The following STAG1 variants were observed in gnomAD, a reference collection of about 807,000 sequenced individuals.
STAG1 encodes the protein STAG1 cohesin complex component.
A neutral mutation model predicts 170.9 loss-of-function variants in STAG1; 26 were observed. The observed-to-expected ratio is 0.15, with a 90% confidence interval of 0.11 to 0.21. STAG1 has a LOEUF of 0.21. Among genes scored for constraint, STAG1 ranks in the 10% least tolerant of loss-of-function variants. The pLI is 1.00. For synonymous variants in STAG1, 514 were observed against 497.7 expected (o/e 1.03, Z -0.44); for missense variants, 964 against 1,509.5 (o/e 0.64, Z 5.99).
At chr3:136,675,333 T>G (rs1352828192) in intron 1 of STAG1, among the ~76,000 whole-genome samples, 1 of 152,200 alleles carries the variant, frequency 6.6e-6, no homozygotes, top group African/African-American at 2.4e-5. Flanking sequence ...AACAGCCATA[T>G]GCAAACATGA....
chr3:136,618,184 T>G (rs530093479), intron 3 of STAG1, among the ~76,000 whole-genome samples: 18 of 151,826 alleles, frequency 1.2e-4, no homozygotes, highest in Non-Finnish European at 2.1e-4. Context: ...CCTGACTCAT[T>G]CCGATCACCT....
intron 6 of STAG1, among the ~76,000 whole-genome samples, chr3:136,527,886 G>A (rs574712367): frequency 2.0e-5 from 3 of 152,310 alleles, no homozygotes; most frequent in South Asian, 4.2e-4. Flanking sequence ...AGCAGCGGAT[G>A]CTGCAGAACA....
chr3:136,403,249 A>AAAAAAG (rs2087386941), intron 21 of STAG1, among the ~76,000 whole-genome samples: 1 of 144,228 alleles, frequency 6.9e-6, no homozygotes, highest in African/African-American at 2.6e-5. Context: ...AAAAAAAAAA[A>AAAAAAG]AAAAGAAAAG....
chr3:136,393,337 T>G (rs1411191026), intron 22 of STAG1, among the ~76,000 whole-genome samples: 1 of 152,094 alleles, frequency 6.6e-6, no homozygotes, highest in African/African-American at 2.4e-5. Flanking sequence ...CTGAGCCAAC[T>G]TTTGTAAAAA....
chr3:136,338,613 T>G (rs546124405), intron 32 of STAG1, among the ~76,000 whole-genome samples, 163 bp from the exon 33 acceptor site: 1 of 152,250 alleles, frequency 6.6e-6, no homozygotes, highest in South Asian at 2.1e-4. Flanking sequence ...ATAGATTTTT[T>G]AAAAACAAAC....
chr3:136,625,422 C>A (rs1196839706), intron 2 of STAG1, among the ~76,000 whole-genome samples: 1 of 152,202 alleles, frequency 6.6e-6, no homozygotes, highest in Non-Finnish European at 1.5e-5. Flanking sequence ...ATCTTGCATG[C>A]ATGACATACT....
intron 6 of STAG1, among the ~76,000 whole-genome samples, chr3:136,541,254 A>G (rs759702339): frequency 1.3e-5 from 2 of 152,192 alleles, no homozygotes; most frequent in Non-Finnish European, 2.9e-5. Context: ...AAAAAGAAAC[A>G]CATACCAAAA....
At chr3:136,346,023 T>C (rs984617939) in intron 29 of STAG1, among the ~76,000 whole-genome samples, 2 of 152,358 alleles carry the variant, frequency 1.3e-5, no homozygotes, top group East Asian at 1.9e-4. Context: ...AAAAGATTAT[T>C]ATCACTTAAG....
Position 136,579,958 on chromosome 3 carries a change from A to ATTTTTTTTTTTTTTTTTTTTTT in STAG1, c.298-11119_298-11098dup, listed in dbSNP as rs749325884. Among the ~76,000 whole-genome samples the ATTTTTTTTTTTTTTTTTTTTTT allele has an allele frequency of 1.8e-4, 13 of 73,646 alleles. 1 individual carries two copies. The highest frequency in any genetic ancestry group is 2.9e-4 in the Non-Finnish European group (12 of 41,054). The allele number at this position is 73,646 out of a possible 152,430, so 48.3% of individuals were successfully genotyped here. Reference sequence around the variant, plus strand: ...CTATTTTGGTCACAATACCATCTGAATTTTTTTTTTTTTTTTTTTTTTTTT... The same window carrying ATTTTTTTTTTTTTTTTTTTTTT: ...CTATTTTGGTCACAATACCATCTGAATTTTTTTTTTTTTTTTTTTTTTTTTTTTTTTTTTTTTTTTTTTTTTT... On this transcript the variant is annotated intron_variant, in intron 4 of 33. Transcript: ENST00000383202.
intron 1 of STAG1, among the ~76,000 whole-genome samples, chr3:136,740,074 T>C (rs1008362514): frequency 1.3e-5 from 2 of 152,080 alleles, no homozygotes; most frequent in South Asian, 2.1e-4. Flanking sequence ...CAGTACATTA[T>C]GTAAAATTCT....
intron 14 of STAG1, among the ~76,000 whole-genome samples, chr3:136,446,699 A>G (rs1373603014): frequency 1.3e-5 from 2 of 152,008 alleles, no homozygotes; most frequent in Non-Finnish European, 2.9e-5. Flanking sequence ...TTGGGATTAC[A>G]GGCATGAGTC....
chr3:136,737,100 G>A, intron 1 of STAG1: 3 of 914,906 alleles, frequency 3.3e-6, no homozygotes, highest in Non-Finnish European at 5.5e-6. Flanking sequence ...ACCAGGACAG[G>A]TCAGTCTTTC....
At chr3:136,654,848 A>G (rs1941324804) in intron 1 of STAG1, among the ~76,000 whole-genome samples, 1 of 152,216 alleles carries the variant, frequency 6.6e-6, no homozygotes, top group Non-Finnish European at 1.5e-5. Flanking sequence ...AAGCCCTTGC[A>G]TGCATGGTAA....
intron 21 of STAG1, among the ~76,000 whole-genome samples, chr3:136,416,719 T>C (rs2087785914): frequency 6.6e-6 from 1 of 152,130 alleles, no homozygotes; most frequent in Admixed American, 6.6e-5. Flanking sequence ...TAGTGTCTTT[T>C]CACAAACTAC....
intron 11 of STAG1, 117 bp from the exon 12 acceptor site, chr3:136,472,609 C>T: frequency 1.5e-6 from 1 of 646,950 alleles, no homozygotes; most frequent in South Asian, 2.5e-5. Context: ...AAATAAAAAG[C>T]TTTACTCTTG....
chr3:136,368,927 G>A (rs1362995199), intron 24 of STAG1, among the ~76,000 whole-genome samples, 181 bp downstream of exon 24: 3 of 152,126 alleles, frequency 2.0e-5, no homozygotes, highest in Non-Finnish European at 2.9e-5. Flanking sequence ...TGGGTTTGGA[G>A]CAATCCTCCT....
Position 136,502,643 on chromosome 3 carries a change from A to C in STAG1, c.813T>G (p.Leu271=). The change falls in exon 8 of 34, where the codon CTT becomes CTG. Residue 271 remains leucine (L), a synonymous_variant. Transcript: ENST00000383202. ...KRANERLELL[L]QKRKELQENQ... ...TGAAACTTACCTCTTTGCGTTTCTGAAGTAGTAACTCCAACCTTTCATTGG... is the reference window on the plus strand; with the variant it reads ...TGAAACTTACCTCTTTGCGTTTCTGCAGTAGTAACTCCAACCTTTCATTGG... 2 of 1,613,282 alleles carry C rather than the reference A, an allele frequency of 1.2e-6. No homozygotes were observed. Among genetic ancestry groups the C allele is most frequent in the Non-Finnish European group, 1.7e-6 (2 of 1,179,774 alleles).
intron 14 of STAG1, among the ~76,000 whole-genome samples, chr3:136,449,783 C>T (rs1025409504): frequency 1.3e-5 from 2 of 151,886 alleles, no homozygotes; most frequent in East Asian, 3.9e-4. Context: ...CTTGAGCTTT[C>T]AGAGATAAAA....
At chr3:136,359,378 T>C (rs1936771442) in intron 26 of STAG1, 82 bp from the exon 27 acceptor site, 1 of 1,012,444 alleles carries the variant, frequency 9.9e-7, no homozygotes, top group Non-Finnish European at 1.4e-6. Flanking sequence ...TTAAAAAATA[T>C]GTAAAAGGTA....
Sources: allele counts gnomAD v4.1 joint callset (sites outside exome capture counted in the v4.1 genomes callset), GRCh38; gene constraint gnomAD v4.1.1; transcripts MANE v1.5; gene names NCBI Gene and HGNC (gene_info 2026-07-23, HGNC 2026-07-21).